Variants in PRTG observed in about 807,000 individuals in gnomAD.
PRTG encodes protogenin, also known as immunoglobulin superfamily, DCC subclass, member 5.
Under a neutral mutation model 122.5 loss-of-function variants are expected in PRTG, and 67 were observed. The ratio of observed to expected loss-of-function variants is 0.55; its 90% CI spans 0.45 to 0.67. PRTG has a LOEUF of 0.67. Among genes scored for constraint, PRTG ranks in the 30% least tolerant of loss-of-function variants. The probability of loss-of-function intolerance (pLI) is 0.00; values close to 1 mark genes in which losing one functional copy is unlikely to be tolerated. For synonymous variants in PRTG, 554 were observed against 501.1 expected (o/e 1.11, Z -1.41); for missense variants, 1,435 against 1,415.4 (o/e 1.01, Z -0.22).
intron 2 of PRTG, among the ~76,000 whole-genome samples, chr15:55,714,140 G>C (rs1249370612): frequency 6.6e-6 from 1 of 151,688 alleles, no homozygotes; most frequent in Non-Finnish European, 1.5e-5. Context: ...TTATACAAAA[G>C]CATGAACTCA....
Position 55,623,905 on chromosome 15 carries a change from C to G in PRTG, c.3093+437G>C, listed in dbSNP as rs1310400067. 2.0e-5 allele frequency among the ~76,000 whole-genome samples: 3 copies of G among 152,098 alleles called. No individual in the cohort carries two copies. In the South Asian group the frequency reaches 6.2e-4, roughly 32 times the overall value. The stretch of plus-strand genomic sequence containing the variant: ...CATATTTTTAAAAATGGCATTCATA[C>G]TTGGGATGTTCTGATAAGCAATTAA... On this transcript the variant is annotated intron_variant, in intron 18 of 19. Coordinates refer to ENST00000389286, the MANE Select transcript of PRTG (RefSeq NM_173814.6).
At chr15:55,658,604 A>G (rs962699427) in intron 11 of PRTG, among the ~76,000 whole-genome samples, 5 of 152,126 alleles carry the variant, frequency 3.3e-5, no homozygotes, top group Non-Finnish European at 5.9e-5. Context: ...GCGTGAGCCA[A>G]CGTGCCCACC....
chr15:55,638,571 G>T lies in PRTG; in HGVS notation c.2430C>A (p.Val810=), dbSNP rs769490586. ...TACCTTCTGGAAGAGTAGAATGGTA[G>T]ACTACAGGGCTCCAAGGACTGGAAA... ...DQLSSPWSPV[V]YHSTLPEAPA... The change falls in exon 14 of 20, where the codon GTC becomes GTA. Residue 810 remains valine, a synonymous_variant. Transcript: ENST00000389286. The T allele has an allele frequency of 6.2e-7, 1 of 1,612,064 alleles. No individual in the cohort carries two copies. The highest frequency in any genetic ancestry group is 1.7e-5 in the Admixed American group (1 of 59,742).
In PRTG at chr15:55,682,354, T is replaced by C; in HGVS notation, c.676+10A>G. The C allele has an allele frequency of 6.4e-7, 1 of 1,571,584 alleles. No individual in the cohort carries two copies. The highest frequency in any genetic ancestry group is 8.6e-7 in the Non-Finnish European group (1 of 1,156,562). ...CGTCATAAAAATGGAAAAACCACTC[T>C]GCGTGGTACCTGGAATCACAGTTAG... On this transcript the variant is annotated intron_variant, in intron 4 of 19. Coordinates refer to ENST00000389286, the MANE Select transcript of PRTG (RefSeq NM_173814.6).
At chr15:55,707,592 T>C (rs560599503) in intron 2 of PRTG, among the ~76,000 whole-genome samples, 55 of 152,352 alleles carry the variant, frequency 3.6e-4, no homozygotes, top group African/African-American at 1.3e-3. Context: ...AACAGCCATA[T>C]AGAAATCCTC....
chr15:55,641,048 A>G (rs533457456), intron 12 of PRTG, 65 bp downstream of exon 12: 3 of 1,084,710 alleles, frequency 2.8e-6, no homozygotes, highest in Non-Finnish European at 4.3e-6. Flanking sequence ...CTGTAACTTA[A>G]AGGAGGAGGA....
chr15:55,651,132 A>G (rs888970163), intron 11 of PRTG, among the ~76,000 whole-genome samples: 1 of 152,136 alleles, frequency 6.6e-6, no homozygotes, highest in South Asian at 2.1e-4. Context: ...GAGAAATCAG[A>G]TAGCAAATAG....
chr15:55,622,971 G>C (rs999698087), intron 18 of PRTG, among the ~76,000 whole-genome samples: 9 of 151,952 alleles, frequency 5.9e-5, no homozygotes, highest in South Asian at 2.1e-4. Context: ...AAGAGAAATA[G>C]CAAATATTCA....
chr15:55,620,099 C>T lies in PRTG; in HGVS notation c.3366G>A (p.Glu1122=), dbSNP rs1199828134. 1.2e-6 allele frequency: 2 copies of T among 1,614,220 alleles called. No homozygotes were observed. Among genetic ancestry groups the T allele is most frequent in the African/African-American group, 1.3e-5 (1 of 75,050 alleles). The part of the protein sequence containing the change: ...EHSANSEGSH[E]TGDSGRFSHE... ...GAGAAAACCGCCCAGAATCCCCAGT[C>T]TCATGGCTGCCTTCACTATTTGCTG... Residue 1122 remains glutamate, a synonymous_variant, in exon 20 of 20, where the codon GAG becomes GAA. Coordinates refer to ENST00000389286, the MANE Select transcript of PRTG (RefSeq NM_173814.6).
intron 2 of PRTG, among the ~76,000 whole-genome samples, chr15:55,692,316 T>C (rs1361641182): frequency 6.6e-6 from 1 of 151,874 alleles, no homozygotes; most frequent in Admixed American, 6.6e-5. Flanking sequence ...AGAAGAGAGA[T>C]CTGCTATGGG....
At chr15:55,709,286 T>C (rs573550335) in intron 2 of PRTG, among the ~76,000 whole-genome samples, 1 of 148,062 alleles carries the variant, frequency 6.8e-6, no homozygotes, top group African/African-American at 2.5e-5. Flanking sequence ...CTAGTACTTT[T>C]GGGAGACCCA....
intron 13 of PRTG, among the ~76,000 whole-genome samples, chr15:55,639,387 T>C (rs920266678): frequency 1.3e-5 from 2 of 152,202 alleles, no homozygotes; most frequent in Non-Finnish European, 2.9e-5. Context: ...AGAGTAATAA[T>C]AGCTTCTTGC....
intron 8 of PRTG, among the ~76,000 whole-genome samples, chr15:55,676,536 T>C (rs1304319724): frequency 1.3e-5 from 2 of 152,188 alleles, no homozygotes; most frequent in South Asian, 4.1e-4. Context: ...TATTAAGTTT[T>C]CCCACATTTC....
intron 11 of PRTG, among the ~76,000 whole-genome samples, chr15:55,657,802 A>G (rs1352720167): frequency 1.3e-5 from 2 of 152,196 alleles, no homozygotes; most frequent in Non-Finnish European, 2.9e-5. Context: ...GTCTTTATTT[A>G]TCTTTGTCCC....
Position 55,628,815 on chromosome 15 carries a change from T to A in PRTG, c.2806+7A>T. ...AAAAATCACAGTGACTACGGCAGTA[T>A]ACAGACCTTTGGCATCAGCAGAATC... On this transcript the variant is annotated splice_region_variant and intron_variant, in intron 16 of 19. Transcript: ENST00000389286. The A allele has an allele frequency of 6.2e-7, 1 of 1,610,014 alleles. No individual in the cohort carries two copies. Among genetic ancestry groups the A allele is most frequent in the Non-Finnish European group, 8.5e-7 (1 of 1,177,548 alleles).
chr15:55,627,392 C>A (rs1394475593), intron 16 of PRTG, among the ~76,000 whole-genome samples: 1 of 149,438 alleles, frequency 6.7e-6, no homozygotes, highest in African/African-American at 2.5e-5. Flanking sequence ...GGCGCAATCT[C>A]AGCTCACTGC....
intron 11 of PRTG, among the ~76,000 whole-genome samples, chr15:55,650,094 T>C (rs564894022): frequency 6.6e-6 from 1 of 152,336 alleles, no homozygotes; most frequent in African/African-American, 2.4e-5. Flanking sequence ...TTTGGAGATT[T>C]GGATATAAAT....
chr15:55,715,086 C>T (rs140746369), intron 2 of PRTG, among the ~76,000 whole-genome samples: 226 of 152,244 alleles, frequency 1.5e-3, no homozygotes, highest in African/African-American at 5.3e-3. Flanking sequence ...TATCAACTGT[C>T]ATATATTCAT....
intron 2 of PRTG, among the ~76,000 whole-genome samples, chr15:55,721,168 C>T (rs2030809365): frequency 6.6e-6 from 1 of 152,150 alleles, no homozygotes; most frequent in African/African-American, 2.4e-5. Context: ...ATTGTAAAAT[C>T]GTAATAACCT....
Sources: gnomAD v4.1 joint callset for allele counts (sites outside exome capture counted in the v4.1 genomes callset) on GRCh38, gnomAD v4.1.1 for gene constraint, MANE v1.5 for transcripts, NCBI Gene and HGNC (gene_info 2026-07-23, HGNC 2026-07-21) for gene names.